SCAI: variants seen among roughly 807,000 people sequenced by gnomAD.
The protein encoded by SCAI is protein SCAI.
A neutral mutation model predicts 92.2 loss-of-function variants in SCAI; 24 were observed. The ratio of observed to expected loss-of-function variants is 0.26; its 90% CI spans 0.19 to 0.37. The LOEUF is 0.37. SCAI is among the 10% of genes least tolerant of loss of function. The pLI is 1.00. For missense variants in SCAI, 450 were observed against 736.2 expected, an observed-to-expected ratio of 0.61 and a Z score of 4.50; for synonymous variants, 261 against 258.6, an observed-to-expected ratio of 1.01 and a Z score of -0.09.
At chr9:125,116,714 G>A (rs2131241843) in intron 2 of SCAI, among the ~76,000 whole-genome samples, 1 of 151,988 alleles carries the variant, frequency 6.6e-6, no homozygotes, top group East Asian at 1.9e-4. Flanking sequence ...CTCTCCATCA[G>A]AAGCCTTCAG....
chr9:125,135,668 T>A (rs948411428), intron 2 of SCAI, among the ~76,000 whole-genome samples: 6 of 140,766 alleles, frequency 4.3e-5, no homozygotes, highest in African/African-American at 1.3e-4. Flanking sequence ...TAAATAAAAA[T>A]TTTTAAAATC....
intron 17 of SCAI, among the ~76,000 whole-genome samples, chr9:124,953,296 T>C (rs1831262641): frequency 6.6e-6 from 1 of 152,110 alleles, no homozygotes; most frequent in East Asian, 1.9e-4. Context: ...AACAAGTATA[T>C]GTTAAATAAA....
At chr9:124,962,242 C>T (rs1015108140) in intron 17 of SCAI, among the ~76,000 whole-genome samples, 1 of 148,152 alleles carries the variant, frequency 6.7e-6, no homozygotes, top group African/African-American at 2.5e-5. Context: ...TCACTGCAAC[C>T]TCCACCTTCT....
At chr9:125,019,291 G>T in intron 7 of SCAI, 86 bp from the exon 8 acceptor site, 1 of 712,374 alleles carries the variant, frequency 1.4e-6, no homozygotes, top group Non-Finnish European at 2.3e-6. Context: ...GACAGAAACC[G>T]ACATACTTAC....
At chr9:124,966,411 G>C (rs1223953416) in intron 17 of SCAI, among the ~76,000 whole-genome samples, 1 of 152,070 alleles carries the variant, frequency 6.6e-6, no homozygotes, top group Non-Finnish European at 1.5e-5. Flanking sequence ...ATCATTCTCA[G>C]CAAACTATCA....
At chr9:125,094,416 G>C (rs12377973) in intron 2 of SCAI, among the ~76,000 whole-genome samples, 69,083 of 151,978 alleles carry the variant, frequency 0.45, 16,050 homozygotes, top group East Asian at 0.66. Flanking sequence ...AATATCTGCA[G>C]AGCTAGTTCC....
intron 14 of SCAI, among the ~76,000 whole-genome samples, chr9:124,984,646 A>G (rs1831952278): frequency 6.6e-6 from 1 of 152,226 alleles, no homozygotes; most frequent in Admixed American, 6.5e-5. Flanking sequence ...GCCATGAACT[A>G]AAATGGGGAA....
At chr9:125,083,993 G>A (rs1481760997) in intron 2 of SCAI, among the ~76,000 whole-genome samples, 1 of 151,942 alleles carries the variant, frequency 6.6e-6, no homozygotes, top group Non-Finnish European at 1.5e-5. Flanking sequence ...AAGGCTGGGA[G>A]ATCCAGGTTC....
At position 125,026,315 on chromosome 9, in the gene SCAI, G is replaced by A. The variant is rs1168174254; in HGVS notation, c.512+497C>T. On this transcript the variant is annotated intron_variant, in intron 6 of 17. Coordinates refer to ENST00000336505, the MANE Select transcript of SCAI (RefSeq NM_001144877.3). The stretch of plus-strand genomic sequence containing the variant: ...CTTGAACCCAGGAAGTGGAGGTGGA[G>A]GTTGCAGTGAGTTGAGATCGCACCA... 2.6e-5 allele frequency among the ~76,000 whole-genome samples: 4 copies of A among 151,398 alleles called. No homozygotes were observed. The South Asian group carries it at 8.3e-4, about 31-fold the overall frequency.
intron 2 of SCAI, among the ~76,000 whole-genome samples, chr9:125,078,668 C>T (rs920792852): frequency 2.0e-5 from 3 of 152,256 alleles, no homozygotes; most frequent in East Asian, 1.9e-4. Flanking sequence ...ATAATCCCAG[C>T]GCTTTGAGAG....
chr9:125,125,236 A>T (rs190211371), intron 2 of SCAI, among the ~76,000 whole-genome samples: 93 of 152,038 alleles, frequency 6.1e-4, no homozygotes, highest in Admixed American at 3.7e-3. Context: ...AAATAAAATT[A>T]AATTTAAAAA....
At chr9:125,047,528 C>A (rs1032248644) in intron 3 of SCAI, among the ~76,000 whole-genome samples, 7 of 152,290 alleles carry the variant, frequency 4.6e-5, no homozygotes, top group Admixed American at 1.3e-4. Context: ...AAAAGACCTG[C>A]AAGCTATTAG....
chr9:124,948,839 T>C lies in SCAI; in HGVS notation c.*3968A>G, dbSNP rs560100805. The stretch of plus-strand genomic sequence containing the variant: ...CAAAGGAGTGCTTTTTCCCTTTGCT[T>C]TGCTCTGTTCTTAGTTCCAATATTT... On this transcript the variant is annotated 3_prime_UTR_variant, in exon 18 of 18. Coordinates refer to ENST00000336505, the MANE Select transcript of SCAI (RefSeq NM_001144877.3). The C allele has an allele frequency of 6.6e-6, 1 of 152,336 alleles. No homozygotes were observed. Among genetic ancestry groups the C allele is most frequent in the Admixed American group, 6.5e-5 (1 of 15,300 alleles). The allele number at this position is 152,336 out of a possible 1,614,324, so 9.4% of individuals were successfully genotyped here. A position where few individuals can be genotyped will look rare whatever the true frequency, so the allele number is the denominator to read the frequency against.
chr9:125,067,581 G>T (rs1351720983), intron 2 of SCAI, among the ~76,000 whole-genome samples: 4 of 152,232 alleles, frequency 2.6e-5, no homozygotes, highest in African/African-American at 9.6e-5. Context: ...GAGTCGCTAA[G>T]AAGGAACCAA....
At chr9:125,092,597 T>C (rs1399361641) in intron 2 of SCAI, among the ~76,000 whole-genome samples, 1 of 152,204 alleles carries the variant, frequency 6.6e-6, no homozygotes, top group Non-Finnish European at 1.5e-5. Context: ...TATGTTACTA[T>C]CTAAGGCCAA....
intron 3 of SCAI, among the ~76,000 whole-genome samples, chr9:125,052,217 T>G (rs1039849792): frequency 2.0e-5 from 3 of 152,120 alleles, no homozygotes; most frequent in African/African-American, 7.2e-5. Context: ...AAGAAAAGAA[T>G]GATAAGTTTA....
chr9:125,055,861 C>A lies in SCAI; in HGVS notation c.230+15G>T. ...AGAACTAAAGAAAAGTTCAAAACAC[C>A]AAGAGTCCACTCACCTTAACCCATT... On this transcript the variant is annotated intron_variant, in intron 3 of 17. Coordinates refer to ENST00000336505, the MANE Select transcript of SCAI (RefSeq NM_001144877.3). 1 of 1,578,656 alleles carries A rather than the reference C, an allele frequency of 6.3e-7. No individual in the cohort carries two copies. Among genetic ancestry groups the A allele is most frequent in the Admixed American group, 2.0e-5 (1 of 50,956 alleles).
At chr9:124,983,979 G>T (rs939091411) in intron 14 of SCAI, among the ~76,000 whole-genome samples, 3 of 152,216 alleles carry the variant, frequency 2.0e-5, no homozygotes, top group African/African-American at 7.2e-5. Flanking sequence ...AGTGCATATT[G>T]CTAGTCACTA....
chr9:124,982,387 T>C (rs990912154), intron 14 of SCAI, among the ~76,000 whole-genome samples: 45 of 152,210 alleles, frequency 3.0e-4, no homozygotes, highest in African/African-American at 1.1e-3. Flanking sequence ...CAAAGTATTA[T>C]TGGGCCGGGC....
Sources: allele counts gnomAD v4.1 joint callset (sites outside exome capture counted in the v4.1 genomes callset), GRCh38; gene constraint gnomAD v4.1.1; transcripts MANE v1.5; gene names NCBI Gene and HGNC (gene_info 2026-07-23, HGNC 2026-07-21).